The following ZCCHC7 variants were observed in gnomAD, a reference collection of about 807,000 sequenced individuals.
The protein encoded by ZCCHC7 is zinc finger CCHC-type containing 7.
Under a neutral mutation model 52.0 loss-of-function variants are expected in ZCCHC7, and 35 were observed. The observed-to-expected ratio is 0.67, with a 90% CI of 0.51 to 0.89. The LOEUF (loss-of-function observed/expected upper bound fraction) is 0.89. Ranked by LOEUF, ZCCHC7 falls within the 40% of genes least tolerant of loss-of-function variation. The pLI is 0.00. For synonymous variants in ZCCHC7, 217 were observed against 221.5 expected (o/e 0.98, Z 0.18); for missense variants, 574 against 649.1 (o/e 0.88, Z 1.26).
At chr9:37,142,395 T>C (rs559229509) in intron 2 of ZCCHC7, among the ~76,000 whole-genome samples, 8 of 151,946 alleles carry the variant, frequency 5.3e-5, no homozygotes, top group African/African-American at 1.9e-4. Context: ...TTTCTGTGTC[T>C]GTTAATTACA....
At chr9:37,181,933 C>G (rs543290938) in intron 2 of ZCCHC7, among the ~76,000 whole-genome samples, 1 of 152,200 alleles carries the variant, frequency 6.6e-6, no homozygotes, top group South Asian at 2.1e-4. Flanking sequence ...CATCCTCCCA[C>G]TTCAGCTTCC....
intron 2 of ZCCHC7, among the ~76,000 whole-genome samples, chr9:37,274,179 G>GTGCT (rs1317264607): frequency 6.6e-6 from 1 of 151,894 alleles, no homozygotes; most frequent in Non-Finnish European, 1.5e-5. Flanking sequence ...AATCATTTGT[G>GTGCT]TGCTTGCTCA....
chr9:37,206,160 T>A (rs1041193666), intron 2 of ZCCHC7, among the ~76,000 whole-genome samples: 2 of 152,118 alleles, frequency 1.3e-5, no homozygotes, highest in African/African-American at 4.8e-5. Flanking sequence ...GTAGGAGGGT[T>A]CTTTCCCTGA....
At chr9:37,157,197 GA>G (rs112401588) in intron 2 of ZCCHC7, among the ~76,000 whole-genome samples, 55,275 of 133,638 alleles carry the variant, frequency 0.41, 11,514 homozygotes, top group African/African-American at 0.57. Context: ...AAACTTAGTT[GA>G]AAAAAAAAAA....
intron 2 of ZCCHC7, chr9:37,147,335 TA>T (rs1362841121): frequency 3.9e-5 from 6 of 152,132 alleles, no homozygotes; most frequent in Non-Finnish European, 7.4e-5. Flanking sequence ...CACTTTCATT[TA>T]ATGCTTTGTT....
At chr9:37,149,254 A>G (rs1843578128) in intron 2 of ZCCHC7, among the ~76,000 whole-genome samples, 1 of 152,182 alleles carries the variant, frequency 6.6e-6, no homozygotes, top group Admixed American at 6.5e-5. Context: ...TAAGGAATAA[A>G]TAAGTACTCT....
At chr9:37,147,661 A>C (rs996173511) in intron 2 of ZCCHC7, among the ~76,000 whole-genome samples, 2 of 152,040 alleles carry the variant, frequency 1.3e-5, no homozygotes, top group Non-Finnish European at 2.9e-5. Flanking sequence ...CATAAAAGAT[A>C]TGTCAATCAT....
intron 2 of ZCCHC7, among the ~76,000 whole-genome samples, chr9:37,143,845 A>G (rs541807621): frequency 7.1e-4 from 108 of 151,970 alleles, no homozygotes; most frequent in African/African-American, 2.5e-3. Context: ...TTTTTTGATT[A>G]TGATATTTTG....
chr9:37,276,274 A>G (rs1365410352), intron 2 of ZCCHC7, among the ~76,000 whole-genome samples: 2 of 152,144 alleles, frequency 1.3e-5, no homozygotes, highest in African/African-American at 4.8e-5. Flanking sequence ...CGTTCTTTAT[A>G]TGTTGGACAG....
At chr9:37,335,989 A>G (rs1324876123) in intron 6 of ZCCHC7, among the ~76,000 whole-genome samples, 1 of 152,192 alleles carries the variant, frequency 6.6e-6, no homozygotes, top group African/African-American at 2.4e-5. Flanking sequence ...CTCTATACAA[A>G]TGATGAGAAT....
At chr9:37,204,951 C>G (rs2133182186) in intron 2 of ZCCHC7, among the ~76,000 whole-genome samples, 1 of 152,274 alleles carries the variant, frequency 6.6e-6, no homozygotes, top group Middle Eastern at 3.4e-3. Context: ...ATGTGTCCCC[C>G]AAAGGTCATG....
At chr9:37,288,098 G>A (rs1828342064) in intron 2 of ZCCHC7, among the ~76,000 whole-genome samples, 2 of 151,910 alleles carry the variant, frequency 1.3e-5, no homozygotes, top group South Asian at 4.2e-4. Flanking sequence ...GGGCATCATA[G>A]CAAAACCCCA....
In ZCCHC7 at chr9:37,126,721, A is replaced by G; in HGVS notation, c.389A>G (p.Asp130Gly). ...SSSLQSNELV[D>G]KKCKSDIEKP... ...TCTCTTCAATCTAATGAGCTGGTTG[A>G]TAAGAAATGCAAGAGTGATATTGAG... The change falls in exon 2 of 9, where the codon GAT (aspartate) becomes GGT (glycine). Residue 130 changes from aspartate to glycine, a missense_variant. Asp to Gly is a moderately conservative substitution (Grantham distance 94). This residue lies in a region of ZCCHC7 where 403 missense variants were observed against 461.2 expected (regional missense o/e 0.87). Coordinates refer to ENST00000336755, the MANE Select transcript of ZCCHC7 (RefSeq NM_032226.3). 1 of 1,614,178 alleles carries G rather than the reference A, an allele frequency of 6.2e-7. No individual in the cohort carries two copies. The highest frequency in any genetic ancestry group is 8.5e-7 in the Non-Finnish European group (1 of 1,180,018).
chr9:37,169,793 A>C (rs1213242341), intron 2 of ZCCHC7, among the ~76,000 whole-genome samples: 1 of 152,118 alleles, frequency 6.6e-6, no homozygotes, highest in Non-Finnish European at 1.5e-5. Flanking sequence ...TGGCTCTGGC[A>C]ACTTATGCCT....
chr9:37,149,512 G>T (rs1005509889), intron 2 of ZCCHC7, among the ~76,000 whole-genome samples: 1 of 151,834 alleles, frequency 6.6e-6, no homozygotes, highest in African/African-American at 2.4e-5. Context: ...GACATTTTTT[G>T]AAGTCTCTCC....
chr9:37,242,262 ATTCT>A (rs1825903834), intron 2 of ZCCHC7, among the ~76,000 whole-genome samples: 1 of 151,864 alleles, frequency 6.6e-6, no homozygotes, highest in South Asian at 2.1e-4. Flanking sequence ...CTAATGTCAG[ATTCT>A]TTATTGCTTG....
At chr9:37,341,627 GGT>G (rs1820644792) in intron 6 of ZCCHC7, among the ~76,000 whole-genome samples, 1 of 152,074 alleles carries the variant, frequency 6.6e-6, no homozygotes, top group Admixed American at 6.6e-5. Flanking sequence ...TTGGTTGGTT[GGT>G]TGGTCTTTTT....
chr9:37,334,213 G>A lies in ZCCHC7; in HGVS notation c.987+6379G>A, dbSNP rs980309130. Among the ~76,000 whole-genome samples the A allele has an allele frequency of 3.3e-5, 5 of 151,828 alleles. No homozygotes were observed. In the East Asian group the frequency reaches 9.7e-4, roughly 29 times the overall value. On this transcript the variant is annotated intron_variant, in intron 6 of 8. Coordinates refer to ENST00000336755, the MANE Select transcript of ZCCHC7 (RefSeq NM_032226.3). The stretch of plus-strand genomic sequence containing the variant: ...ATGCCATTTATTAATTATATTCCGA[G>A]TGATCAAACTTGTCATAGTCTTTTC...
At chr9:37,234,412 A>C (rs2133327074) in intron 2 of ZCCHC7, among the ~76,000 whole-genome samples, 1 of 152,314 alleles carries the variant, frequency 6.6e-6, no homozygotes, top group South Asian at 2.1e-4. Context: ...CTTTTTTGAT[A>C]ATTCTGGTTA....
Sources: gnomAD v4.1 joint callset for allele counts (sites outside exome capture counted in the v4.1 genomes callset) on GRCh38, gnomAD v4.1.1 for gene constraint, gnomAD v4.1.1 regional missense constraint, MANE v1.5 for transcripts, NCBI Gene and HGNC (gene_info 2026-07-23, HGNC 2026-07-21) for gene names.